The following APBA2 variants were observed in gnomAD, a reference collection of about 807,000 sequenced individuals.
The protein encoded by APBA2 is amyloid beta precursor protein binding family A member 2, also known as amyloid-beta A4 precursor protein-binding family A member 2.
In APBA2, 30 loss-of-function variants were observed where a neutral mutation model predicts 75.0. The observed-to-expected ratio is 0.40, with a 90% CI of 0.30 to 0.54. The LOEUF (loss-of-function observed/expected upper bound fraction) is 0.54, where lower values mean the gene tolerates loss of function less well. APBA2 is among the 20% of genes least tolerant of loss of function. The pLI, the probability that APBA2 is intolerant of heterozygous loss-of-function variation, is 0.49. For missense variants in APBA2, 801 were observed against 1,016.1 expected, an observed-to-expected ratio of 0.79 and a Z score of 2.88; for synonymous variants, 444 against 409.6, an observed-to-expected ratio of 1.08 and a Z score of -1.01.
intron 3 of APBA2, among the ~76,000 whole-genome samples, chr15:28,997,892 GT>G (rs1459849131): frequency 6.6e-6 from 1 of 152,186 alleles, no homozygotes; most frequent in Admixed American, 6.5e-5. Flanking sequence ...GGCCTATCAT[GT>G]AAGTGAATAT....
intron 2 of APBA2, among the ~76,000 whole-genome samples, chr15:28,945,793 C>T (rs183291410): frequency 1.8e-4 from 27 of 152,284 alleles, no homozygotes; most frequent in Admixed American, 1.4e-3. Context: ...GGATTACAGG[C>T]GGTGCCGCTC....
intron 2 of APBA2, among the ~76,000 whole-genome samples, chr15:28,985,552 G>T (rs1261755232): frequency 8.5e-5 from 13 of 152,186 alleles, no homozygotes; most frequent in Admixed American, 8.5e-4. Flanking sequence ...CAGAAAAGGG[G>T]TTGTTTCAAT....
chr15:29,090,412 A>G (rs998948923), intron 6 of APBA2, among the ~76,000 whole-genome samples: 2 of 152,244 alleles, frequency 1.3e-5, no homozygotes, highest in Admixed American at 6.5e-5. Flanking sequence ...ACATGGGTCA[A>G]CATGGAAATG....
intron 2 of APBA2, among the ~76,000 whole-genome samples, chr15:28,972,318 C>G (rs1453674763): frequency 2.0e-5 from 3 of 152,156 alleles, no homozygotes. Flanking sequence ...AGAAAACTTT[C>G]CTAAAATAAA....
intron 3 of APBA2, among the ~76,000 whole-genome samples, chr15:29,017,815 C>A (rs568303728): frequency 8.5e-5 from 13 of 152,272 alleles, no homozygotes; most frequent in African/African-American, 3.1e-4. Context: ...AGCACTGTAT[C>A]TTTGTGTTTC....
At chr15:29,036,222 T>C (rs1372696015) in intron 3 of APBA2, among the ~76,000 whole-genome samples, 1 of 150,452 alleles carries the variant, frequency 6.6e-6, no homozygotes, top group Admixed American at 6.7e-5. Flanking sequence ...CCTGAATACA[T>C]ATATATATAT....
chr15:28,917,654 GTAT>G (rs141769467), intron 1 of APBA2, among the ~76,000 whole-genome samples: 4,597 of 152,134 alleles, frequency 0.03, 192 homozygotes, highest in African/African-American at 0.099. Flanking sequence ...TGATGGGGCA[GTAT>G]TATTATTAAC....
chr15:29,102,204 G>A, intron 10 of APBA2: 1 of 286,528 alleles, frequency 3.5e-6, no homozygotes, highest in Non-Finnish European at 6.7e-6. Context: ...GGTCTTCAGA[G>A]GAAGTAAAAA....
At chr15:29,010,933 T>A (rs1283729976) in intron 3 of APBA2, among the ~76,000 whole-genome samples, 1 of 152,222 alleles carries the variant, frequency 6.6e-6, no homozygotes, top group African/African-American at 2.4e-5. Context: ...AGTAAATTCA[T>A]AATGTTGTGA....
intron 2 of APBA2, among the ~76,000 whole-genome samples, chr15:28,923,336 G>A (rs919244076): frequency 2.0e-5 from 3 of 152,094 alleles, no homozygotes; most frequent in African/African-American, 7.2e-5. Context: ...CTATTTCTTA[G>A]TCTTCTGTTG....
chr15:29,116,669 T>C lies in APBA2; in HGVS notation c.2179-393T>C, dbSNP rs79517759. 9.3e-3 allele frequency among the ~76,000 whole-genome samples: 1,397 copies of C among 150,148 alleles called. 25 individuals carry two copies. Among genetic ancestry groups the C allele is most frequent in the African/African-American group, 0.033 (1,340 of 40,980 alleles). ...GAAGGGGTGCGTGTGTCTTCCCCCA[T>C]TGAGCTCCTCCTCAGTGAAGCAGAG... On this transcript the variant is annotated intron_variant, in intron 14 of 14. Coordinates refer to ENST00000683413, the MANE Select transcript of APBA2 (RefSeq NM_001353788.2).
intron 1 of APBA2, among the ~76,000 whole-genome samples, chr15:28,892,002 C>G (rs2152608887): frequency 6.6e-6 from 1 of 152,166 alleles, no homozygotes; most frequent in Non-Finnish European, 1.5e-5. Context: ...ATGGACTCAC[C>G]CAGAGAAATT....
intron 8 of APBA2, among the ~76,000 whole-genome samples, chr15:29,095,508 A>G (rs545787809): frequency 6.6e-6 from 1 of 152,338 alleles, no homozygotes; most frequent in African/African-American, 2.4e-5. Flanking sequence ...AGCTTTTCCA[A>G]TCCTCCTCAT....
chr15:28,967,989 CT>C (rs2152747047), intron 2 of APBA2, among the ~76,000 whole-genome samples: 1 of 152,336 alleles, frequency 6.6e-6, no homozygotes, highest in South Asian at 2.1e-4. Context: ...CACCATTCTA[CT>C]TTCTGGCTGT....
At chr15:28,978,158 G>T (rs2037438809) in intron 2 of APBA2, among the ~76,000 whole-genome samples, 1 of 152,314 alleles carries the variant, frequency 6.6e-6, no homozygotes, top group South Asian at 2.1e-4. Context: ...TACAAGATGA[G>T]GGCCCTGTCC....
chr15:28,926,270 G>T (rs1259122472), intron 2 of APBA2, among the ~76,000 whole-genome samples: 1 of 152,060 alleles, frequency 6.6e-6, no homozygotes, highest in Non-Finnish European at 1.5e-5. Context: ...TGGTTTCAAT[G>T]GACCATTTTA....
At chr15:28,899,754 G>A (rs531283588) in intron 1 of APBA2, among the ~76,000 whole-genome samples, 1 of 151,966 alleles carries the variant, frequency 6.6e-6, no homozygotes, top group Admixed American at 6.5e-5. Context: ...GTGTAGATAT[G>A]CAGAATGAGC....
intron 6 of APBA2, among the ~76,000 whole-genome samples, chr15:29,084,455 C>T (rs757483289): frequency 1.3e-5 from 2 of 152,056 alleles, no homozygotes; most frequent in Non-Finnish European, 2.9e-5. Flanking sequence ...TAATCTACAC[C>T]CTGACCCTTT....
intron 3 of APBA2, among the ~76,000 whole-genome samples, chr15:29,050,970 C>T (rs529054661): frequency 2.4e-5 from 3 of 126,492 alleles, no homozygotes; most frequent in African/African-American, 1.4e-4. Flanking sequence ...TGCCCTTTGC[C>T]GTCCTGACGT....
Sources: gnomAD v4.1 joint callset for allele counts (sites outside exome capture counted in the v4.1 genomes callset) on GRCh38, gnomAD v4.1.1 for gene constraint, MANE v1.5 for transcripts, NCBI Gene and HGNC (gene_info 2026-07-23, HGNC 2026-07-21) for gene names.